Variants in CSNK1G3 observed in about 807,000 individuals in gnomAD.
The protein encoded by CSNK1G3 is casein kinase I isoform gamma-3.
In CSNK1G3, 23 loss-of-function variants were observed where a neutral mutation model predicts 64.3. The observed-to-expected ratio is 0.36, with a 90% CI of 0.26 to 0.51. The LOEUF is 0.51. Ranked by LOEUF, CSNK1G3 falls within the 20% of genes least tolerant of loss-of-function variation. The pLI is 0.96. For synonymous variants in CSNK1G3, 158 were observed against 162.2 expected (o/e 0.97, Z 0.20); for missense variants, 357 against 510.5 (o/e 0.70, Z 2.90).
At chr5:123,565,382 A>C (rs1786659601) in intron 4 of CSNK1G3, among the ~76,000 whole-genome samples, 1 of 152,214 alleles carries the variant, frequency 6.6e-6, no homozygotes, top group South Asian at 2.1e-4. Flanking sequence ...TAGGAGTATA[A>C]GCATTTGTGC....
chr5:123,540,212 T>C (rs774356238), intron 1 of CSNK1G3, among the ~76,000 whole-genome samples: 1 of 152,160 alleles, frequency 6.6e-6, no homozygotes, highest in Non-Finnish European at 1.5e-5. Context: ...GTGAAGTTTT[T>C]CATTTCAGAT....
At chr5:123,616,053 A>AT (rs1749395102) in exon 13 of CSNK1G3, 1 of 152,186 alleles carries the variant, frequency 6.6e-6, no homozygotes, top group Non-Finnish European at 1.5e-5. Context: ...GACATTGTTT[A>AT]TCATTGTTGC....
At chr5:123,608,876 A>T (rs1795824020) in intron 12 of CSNK1G3, among the ~76,000 whole-genome samples, 1 of 152,216 alleles carries the variant, frequency 6.6e-6, no homozygotes, top group Non-Finnish European at 1.5e-5. Context: ...ACAAAGTATT[A>T]CATGATTAGC....
intron 10 of CSNK1G3, among the ~76,000 whole-genome samples, chr5:123,596,213 T>C (rs571508488): frequency 6.6e-6 from 1 of 152,084 alleles, no homozygotes; most frequent in Non-Finnish European, 1.5e-5. Context: ...TTTTGCAGTT[T>C]ATGGAATTTT....
At chr5:123,515,355 G>A (rs1261197372) in intron 1 of CSNK1G3, among the ~76,000 whole-genome samples, 1 of 152,186 alleles carries the variant, frequency 6.6e-6, no homozygotes, top group Non-Finnish European at 1.5e-5. Flanking sequence ...GAATGCTGAA[G>A]TATTGAATAA....
intron 1 of CSNK1G3, among the ~76,000 whole-genome samples, chr5:123,536,891 ATCTT>A (rs1442346637): frequency 7.2e-5 from 11 of 152,290 alleles, no homozygotes; most frequent in African/African-American, 2.4e-4. Context: ...ATGAGATATC[ATCTT>A]TCTTCAATCA....
intron 1 of CSNK1G3, among the ~76,000 whole-genome samples, chr5:123,526,439 C>T (rs560416403): frequency 4.0e-5 from 6 of 151,848 alleles, no homozygotes; most frequent in Non-Finnish European, 8.8e-5. Flanking sequence ...AGGAAATATT[C>T]TCTTTTTTTT....
chr5:123,517,173 C>T (rs564195996), intron 1 of CSNK1G3, among the ~76,000 whole-genome samples: 4 of 152,268 alleles, frequency 2.6e-5, no homozygotes, highest in Admixed American at 1.3e-4. Flanking sequence ...CATACCTGAC[C>T]TCTGCTTAAC....
At chr5:123,550,807 A>G (rs1389965132) in intron 2 of CSNK1G3, among the ~76,000 whole-genome samples, 2 of 152,202 alleles carry the variant, frequency 1.3e-5, no homozygotes, top group Non-Finnish European at 2.9e-5. Context: ...TTTGTGCATC[A>G]TTTGTTTGTT....
chr5:123,612,684 G>A (rs986036855), intron 12 of CSNK1G3, among the ~76,000 whole-genome samples: 8 of 151,948 alleles, frequency 5.3e-5, no homozygotes, highest in African/African-American at 1.9e-4. Flanking sequence ...TACCATGTTG[G>A]TCAGGCTGGT....
intron 1 of CSNK1G3, among the ~76,000 whole-genome samples, chr5:123,540,039 A>C (rs529832030): frequency 1.3e-5 from 2 of 152,104 alleles, no homozygotes; most frequent in South Asian, 4.1e-4. Flanking sequence ...ATTTTTGCTA[A>C]GAGTTAGAAA....
chr5:123,547,127 C>T (rs1782664284), intron 2 of CSNK1G3, among the ~76,000 whole-genome samples: 1 of 152,106 alleles, frequency 6.6e-6, no homozygotes, highest in Non-Finnish European at 1.5e-5. Flanking sequence ...TATCATGTAC[C>T]AGGCATGATT....
chr5:123,568,837 C>T (rs998058036), intron 4 of CSNK1G3, among the ~76,000 whole-genome samples: 1 of 152,176 alleles, frequency 6.6e-6, no homozygotes, highest in Non-Finnish European at 1.5e-5. Flanking sequence ...ATAAGAAAAT[C>T]ACTCAAATTT....
At chr5:123,562,038 T>G (rs558915048) in intron 4 of CSNK1G3, among the ~76,000 whole-genome samples, 1 of 152,282 alleles carries the variant, frequency 6.6e-6, no homozygotes, top group South Asian at 2.1e-4. Flanking sequence ...GGCACATCAT[T>G]TAGTATAAAG....
At position 123,615,126 on chromosome 5, in the gene CSNK1G3, T is replaced by A. The variant is rs995254370; in HGVS notation, c.*730T>A. The A allele has an allele frequency of 2.6e-5, 4 of 152,618 alleles. No individual in the cohort carries two copies. In the South Asian group the frequency reaches 8.3e-4, roughly 32 times the overall value. 9.5% of individuals were successfully genotyped at this position (152,618 alleles called of 1,614,324 possible). A position where few individuals can be genotyped will look rare whatever the true frequency, so the allele number is the denominator to read the frequency against. ...CAGAAGTGGCAAAAGCGCTTATTTT[T>A]AAAAATGCAAAATATTTGTACAATG... On this transcript the variant is annotated 3_prime_UTR_variant, in exon 13 of 13. Transcript: ENST00000345990.
intron 1 of CSNK1G3, among the ~76,000 whole-genome samples, chr5:123,538,299 T>C (rs759048644): frequency 6.6e-6 from 1 of 152,182 alleles, no homozygotes; most frequent in Non-Finnish European, 1.5e-5. Context: ...ACCAGCACTT[T>C]TTTGAGAGTT....
intron 2 of CSNK1G3, 81 bp from the exon 3 acceptor site, chr5:123,553,026 C>CT: frequency 6.6e-6 from 5 of 756,608 alleles, no homozygotes; most frequent in East Asian, 3.0e-5. Flanking sequence ...GTATTATGTG[C>CT]TTTTTTTCAG....
chr5:123,588,627 T>G (rs1453832890), intron 8 of CSNK1G3, 116 bp downstream of exon 8: 3 of 727,124 alleles, frequency 4.1e-6, no homozygotes, highest in East Asian at 2.8e-5. Context: ...GCTAAAAATA[T>G]GATTTAAAGG....
intron 10 of CSNK1G3, among the ~76,000 whole-genome samples, chr5:123,600,655 G>A (rs1415772135): frequency 6.6e-6 from 1 of 151,520 alleles, no homozygotes; most frequent in Non-Finnish European, 1.5e-5. Flanking sequence ...AAGAAATTAG[G>A]AAGACAGTAG....
Sources: allele counts gnomAD v4.1 joint callset (sites outside exome capture counted in the v4.1 genomes callset), GRCh38; gene constraint gnomAD v4.1.1; transcripts MANE v1.5; gene names NCBI Gene and HGNC (gene_info 2026-07-23, HGNC 2026-07-21).